NAALADL1: variants seen among roughly 807,000 people sequenced by gnomAD.
The protein encoded by NAALADL1 is aminopeptidase NAALADL1.
A neutral mutation model predicts 82.8 loss-of-function variants in NAALADL1; 77 were observed. The observed-to-expected ratio is 0.93, with a 90% confidence interval of 0.77 to 1.12. The LOEUF (loss-of-function observed/expected upper bound fraction) is 1.12, where lower values mean the gene tolerates loss of function less well. NAALADL1 is among the 50% of genes most tolerant of loss of function. The probability of loss-of-function intolerance (pLI) is 0.00; values close to 1 mark genes in which losing one functional copy is unlikely to be tolerated. For missense variants in NAALADL1, 956 were observed against 964.0 expected, an observed-to-expected ratio of 0.99 and a Z score of 0.11; for synonymous variants, 358 against 399.2, an observed-to-expected ratio of 0.90 and a Z score of 1.23.
intron 3 of NAALADL1, among the ~76,000 whole-genome samples, 156 bp downstream of exon 3, chr11:65,057,719 A>G (rs1428185271): frequency 6.6e-6 from 1 of 152,028 alleles, no homozygotes; most frequent in Non-Finnish European, 1.5e-5. Flanking sequence ...TGAATGACTG[A>G]TGGAGGAAAG....
chr11:65,047,761 C>G, intron 11 of NAALADL1, 23 bp from the exon 12 acceptor site: 1 of 1,576,470 alleles, frequency 6.3e-7, no homozygotes, highest in Non-Finnish European at 8.6e-7. Flanking sequence ...AGAATTTAGT[C>G]TCGGTGCGCG....
rs780157274 is a variant in NAALADL1, at chr11:65,054,219, C to G, written c.992+31G>C. On this transcript the variant is annotated intron_variant, in intron 6 of 17. Coordinates refer to ENST00000358658, the MANE Select transcript of NAALADL1 (RefSeq NM_005468.3). The surrounding 1 kb of genome is among the most constrained non-coding windows in gnomAD (Gnocchi z 4.3). ...AGAGGCGAGTTGGGGGAGAGGGCAA[C>G]TGAGGGAGACCTGGTCTGGCTGCAT... The G allele has an allele frequency of 3.1e-6, 5 of 1,590,274 alleles. No homozygotes were observed. Among genetic ancestry groups the G allele is most frequent in the Non-Finnish European group, 4.3e-6 (5 of 1,162,888 alleles).
At position 65,050,798 on chromosome 11, in the gene NAALADL1, A is replaced by T. The variant is rs1170092215; in HGVS notation, c.1199-2413T>A. On this transcript the variant is annotated intron_variant, in intron 8 of 17. Coordinates refer to ENST00000358658, the MANE Select transcript of NAALADL1 (RefSeq NM_005468.3). ...AGCAAGACTGTGTCTCAAAATAATA[A>T]TAATAATAATACTTCAGACAAAAAC... 2.0e-5 allele frequency among the ~76,000 whole-genome samples: 3 copies of T among 152,120 alleles called. No homozygotes were observed. In the South Asian group the frequency reaches 6.2e-4, roughly 32 times the overall value.
intron 3 of NAALADL1, 125 bp downstream of exon 3, chr11:65,057,750 G>C: frequency 1.4e-6 from 2 of 1,426,966 alleles, no homozygotes; most frequent in Non-Finnish European, 1.9e-6. Flanking sequence ...GGAGTGTCCC[G>C]GTGAGTAAAT....
chr11:65,048,254 T>C (rs764054246), intron 9 of NAALADL1, 39 bp from the exon 10 acceptor site: 5 of 1,614,032 alleles, frequency 3.1e-6, no homozygotes, highest in Non-Finnish European at 4.2e-6. Flanking sequence ...CGCGCCGTTC[T>C]GTCCTGGGAA....
rs1215962447 is a variant in NAALADL1, at chr11:65,058,534, T to C, written c.-13A>G. ...TCGTCCACTGCATCCTGCGGACTCT[T>C]GGCCAGCTGGGGTAGGACTGGTCTA... On this transcript the variant is annotated 5_prime_UTR_variant, in exon 1 of 18. Coordinates refer to ENST00000358658, the MANE Select transcript of NAALADL1 (RefSeq NM_005468.3). 1.3e-6 allele frequency: 2 copies of C among 1,574,236 alleles called. No homozygotes were observed. Among genetic ancestry groups the C allele is most frequent in the Non-Finnish European group, 1.7e-6 (2 of 1,161,404 alleles).
At chr11:65,050,889 G>T (rs1424590402) in intron 8 of NAALADL1, among the ~76,000 whole-genome samples, 1 of 151,998 alleles carries the variant, frequency 6.6e-6, no homozygotes, top group Non-Finnish European at 1.5e-5. Context: ...CAGGGGTCTC[G>T]GTATGTTCCC....
At position 65,053,893 on chromosome 11, in the gene NAALADL1, G is replaced by T. The variant is rs1239799489; in HGVS notation, c.993-317C>A. 6.6e-6 allele frequency among the ~76,000 whole-genome samples: 1 copy of T among 152,218 alleles called. No individual in the cohort carries two copies. Among genetic ancestry groups the T allele is most frequent in the Non-Finnish European group, 1.5e-5 (1 of 68,038 alleles). ...ACAGCTGGGTGAAGGGGCCTGGGAGGAGAGGGCACCTGGAGGCCAGTGGGT... is the reference window on the plus strand; with the variant it reads ...ACAGCTGGGTGAAGGGGCCTGGGAGTAGAGGGCACCTGGAGGCCAGTGGGT... On this transcript the variant is annotated intron_variant, in intron 6 of 17. Transcript: ENST00000358658. The surrounding 1 kb of genome is among the most constrained non-coding windows in gnomAD (Gnocchi z 4.3).
chr11:65,046,579 G>A (rs1946737418), intron 13 of NAALADL1, 53 bp from the exon 14 acceptor site: 1 of 1,566,804 alleles, frequency 6.4e-7, no homozygotes, highest in South Asian at 1.1e-5. Context: ...GTGGGAGAAG[G>A]TGTACCTCCA....
rs756400262 is a variant in NAALADL1 at position 65,058,419 on chromosome 11, GT to G, written c.102del (p.Leu35TrpfsTer103). On this transcript the variant is annotated frameshift_variant, in exon 1 of 18. Transcript: ENST00000358658. LOFTEE classifies it high-confidence loss of function. ...TCCAGGTCCAGGTCCTGGGGGGCCA[GT>G]GAGTTGGCTTTTTTGGGGATGGCAA... ...GHFAIPKKAN[S>X]LAPQDLDLEI... 3 of 1,614,052 alleles carry G rather than the reference GT, an allele frequency of 1.9e-6. No homozygotes were observed. In the South Asian group the frequency reaches 3.3e-5, roughly 18 times the overall value.
chr11:65,049,505 G>C (rs1196239120), intron 8 of NAALADL1, among the ~76,000 whole-genome samples: 2 of 152,162 alleles, frequency 1.3e-5, no homozygotes, highest in Non-Finnish European at 2.9e-5. Flanking sequence ...AATTATTATA[G>C]ACTAAAGGAA....
Position 65,054,918 on chromosome 11 carries a change from G to T in NAALADL1, c.604-180C>A, listed in dbSNP as rs906728901. 1.3e-5 allele frequency among the ~76,000 whole-genome samples: 2 copies of T among 152,226 alleles called. No homozygotes were observed. The highest frequency in any genetic ancestry group is 4.8e-5 in the African/African-American group (2 of 41,460). ...CAACAGTAAAGGCCAGTTCGGCACA[G>T]CCAAGCCCGTGCCTATCAGTGGAGT... On this transcript the variant is annotated intron_variant, in intron 4 of 17. Coordinates refer to ENST00000358658, the MANE Select transcript of NAALADL1 (RefSeq NM_005468.3). The surrounding 1 kb of genome is among the most constrained non-coding windows in gnomAD (Gnocchi z 4.3).
In NAALADL1 at chr11:65,046,431, G is replaced by A. The variant is rs754013279; in HGVS notation, c.1681+14C>T. 1 of 1,614,090 alleles carries A rather than the reference G, an allele frequency of 6.2e-7. No individual in the cohort carries two copies. The highest frequency in any genetic ancestry group is 1.3e-5 in the African/African-American group (1 of 74,924). On this transcript the variant is annotated intron_variant, in intron 14 of 17. Coordinates refer to ENST00000358658, the MANE Select transcript of NAALADL1 (RefSeq NM_005468.3). The stretch of plus-strand genomic sequence containing the variant: ...CTGTCCTGGTCTCAGGATGCCCCTT[G>A]TCTCCCTCCTCACCCGGGTCCAAAA...
intron 3 of NAALADL1, 23 bp from the exon 4 acceptor site, chr11:65,057,516 C>T (rs1370913952): frequency 2.5e-6 from 4 of 1,607,282 alleles, no homozygotes; most frequent in Admixed American, 3.4e-5. Flanking sequence ...GGGGGTGATC[C>T]TTAGAGCTGG....
rs199864491 is a variant in NAALADL1, at chr11:65,058,405, G to T, written c.117C>A (p.Asp39Glu). Residue 39 changes from aspartate to glutamate, a missense_variant, in exon 1 of 18, where the codon GAC (aspartate) becomes GAA (glutamate). Coordinates refer to ENST00000358658, the MANE Select transcript of NAALADL1 (RefSeq NM_005468.3). ...CGGTCTCCAGGATCTCCAGGTCCAG[G>T]TCCTGGGGGGCCAGTGAGTTGGCTT... Reference protein sequence around the residue: ...PKKANSLAPQDLDLEILETVM... With the variant: ...PKKANSLAPQELDLEILETVM... The T allele has an allele frequency of 1.3e-4, 205 of 1,614,158 alleles. No homozygotes were observed. In the Middle Eastern group the frequency reaches 4.8e-3, roughly 38 times the overall value.
Position 65,054,834 on chromosome 11 carries a change from G to T in NAALADL1, c.604-96C>A. On this transcript the variant is annotated intron_variant, in intron 4 of 17. Coordinates refer to ENST00000358658, the MANE Select transcript of NAALADL1 (RefSeq NM_005468.3). The surrounding 1 kb of genome is among the most constrained non-coding windows in gnomAD (Gnocchi z 4.3). ...TTCCTCGACTGTGGAAGCCAGGATAGACCAATCTTCCATGGGCAAGATGAC... is the reference window on the plus strand; with the variant it reads ...TTCCTCGACTGTGGAAGCCAGGATATACCAATCTTCCATGGGCAAGATGAC... The T allele has an allele frequency of 6.9e-7, 1 of 1,451,812 alleles. No homozygotes were observed. The highest frequency in any genetic ancestry group is 9.2e-7 in the Non-Finnish European group (1 of 1,085,808). 89.9% of individuals were successfully genotyped at this position (1,451,812 alleles called of 1,614,324 possible). A position where few individuals can be genotyped will look rare whatever the true frequency, so the allele number is the denominator to read the frequency against.
At position 65,054,169 on chromosome 11, in the gene NAALADL1, G is replaced by C. The variant is rs1024290436; in HGVS notation, c.992+81C>G. The C allele has an allele frequency of 2.4e-6, 3 of 1,231,682 alleles. No individual in the cohort carries two copies. The African/African-American group carries it at 4.5e-5, about 18-fold the overall frequency. 76.3% of individuals were successfully genotyped at this position (1,231,682 alleles called of 1,614,324 possible). On this transcript the variant is annotated intron_variant, in intron 6 of 17. Transcript: ENST00000358658. This position sits in a 1 kb window ranked among gnomAD's most constrained non-coding sequence, Gnocchi z 4.3. ...AAGGTCAGGCTTTGAAGTGGAAAGA[G>C]GGAACATCATCACAAGGGAAGGGGA... is the stretch of plus-strand genomic sequence containing the variant.
At chr11:65,059,288 A>G (rs1002725489), upstream of NAALADL1, among the ~76,000 whole-genome samples, 10 of 152,214 alleles carry the variant, frequency 6.6e-5, no homozygotes, top group Non-Finnish European at 1.5e-4. Flanking sequence ...CTGGGATGAC[A>G]GGAGTGAGCC....
rs770832956 is a variant in NAALADL1, at chr11:65,054,269, C to T, written c.973G>A (p.Gly325Arg). The change falls in exon 6 of 18, where the codon GGA becomes AGA. Residue 325 changes from glycine to arginine, a missense_variant. Gly to Arg is a moderately radical substitution (Grantham distance 125). Transcript: ENST00000358658. The surrounding 1 kb of genome is among the most constrained non-coding windows in gnomAD (Gnocchi z 4.3). ...YRLGPGFRPD[G>R]DFPADSQVNV... Reference sequence around the variant, plus strand: ...TCTCACCTGTCTGCTGGGAAGTCTCCGTCAGGCCGGAAGCCGGGACCCAAC... The same window carrying T: ...TCTCACCTGTCTGCTGGGAAGTCTCTGTCAGGCCGGAAGCCGGGACCCAAC... 22 of 1,613,886 alleles carry T rather than the reference C, an allele frequency of 1.4e-5. No individual in the cohort carries two copies. The highest frequency in any genetic ancestry group is 2.7e-5 in the African/African-American group (2 of 74,912).
Sources: gnomAD v4.1 joint callset for allele counts (sites outside exome capture counted in the v4.1 genomes callset) on GRCh38, gnomAD v4.1.1 for gene constraint, Gnocchi (gnomAD v3.1) non-coding constraint, MANE v1.5 for transcripts, NCBI Gene and HGNC (gene_info 2026-07-23, HGNC 2026-07-21) for gene names.